NUBPL: variants seen among roughly 807,000 people sequenced by gnomAD.
NUBPL encodes the protein iron-sulfur cluster transfer protein NUBPL.
NUBPL carries 31 observed loss-of-function variants against 45.7 expected under a neutral mutation model. That is an observed-to-expected ratio of 0.68 (90% CI 0.51 to 0.92). The LOEUF (loss-of-function observed/expected upper bound fraction) is 0.92. Ranked by LOEUF, NUBPL falls within the 40% of genes least tolerant of loss-of-function variation. NUBPL has a pLI of 0.00. For synonymous variants in NUBPL, 144 were observed against 140.9 expected (o/e 1.02, Z -0.15); for missense variants, 401 against 398.7 (o/e 1.01, Z -0.05).
At chr14:31,838,485 T>C (rs1348078825) in intron 8 of NUBPL, among the ~76,000 whole-genome samples, 2 of 152,096 alleles carry the variant, frequency 1.3e-5, no homozygotes, top group Non-Finnish European at 2.9e-5. Flanking sequence ...CACAAAAATA[T>C]ATATTGCATG....
chr14:31,597,728 A>G (rs2034321272), intron 3 of NUBPL, among the ~76,000 whole-genome samples: 1 of 152,104 alleles, frequency 6.6e-6, no homozygotes, highest in South Asian at 2.1e-4. Flanking sequence ...TTTTATTGGT[A>G]TTTATTATTA....
chr14:31,836,464 A>G (rs2040283030), intron 8 of NUBPL, among the ~76,000 whole-genome samples: 1 of 152,206 alleles, frequency 6.6e-6, no homozygotes, highest in African/African-American at 2.4e-5. Context: ...ATAAATACAA[A>G]CAGCTTAACA....
intron 7 of NUBPL, among the ~76,000 whole-genome samples, chr14:31,793,376 C>T (rs984978212): frequency 6.6e-6 from 1 of 152,160 alleles, no homozygotes; most frequent in African/African-American, 2.4e-5. Context: ...ATGTCTACTC[C>T]CCGCCATCTT....
chr14:31,841,917 C>CTTTTGTTTT, intron 8 of NUBPL, among the ~76,000 whole-genome samples: 445 of 42,956 alleles, frequency 0.01, 15 homozygotes, highest in South Asian at 0.014. Context: ...CGATTCTGGG[C>CTTTTGTTTT]TTTTTTTTTT....
intron 7 of NUBPL, among the ~76,000 whole-genome samples, chr14:31,790,238 T>TA (rs1385876489): frequency 1.3e-5 from 2 of 152,230 alleles, no homozygotes; most frequent in Admixed American, 1.3e-4. Context: ...ATGATTAAAT[T>TA]ACCCTATTTT....
At chr14:31,569,420 C>T (rs1476687417) in intron 3 of NUBPL, among the ~76,000 whole-genome samples, 1 of 152,146 alleles carries the variant, frequency 6.6e-6, no homozygotes, top group East Asian at 1.9e-4. Context: ...TGGTCTGAAA[C>T]TCCTGACCTC....
chr14:31,837,411 A>G lies in NUBPL; in HGVS notation c.694-9060A>G, dbSNP rs184282334. Among the ~76,000 whole-genome samples the G allele has an allele frequency of 8.0e-4, 122 of 152,328 alleles. 1 individual carries two copies. Among genetic ancestry groups the G allele is most frequent in the Admixed American group, 7.8e-3 (120 of 15,304 alleles). On this transcript the variant is annotated intron_variant, in intron 8 of 10. Coordinates refer to ENST00000281081, the MANE Select transcript of NUBPL (RefSeq NM_025152.3). ...TCTTTAGACCCTTAAAAGATTAGGT[A>G]GGAGAACTACCAAAATAGCTTCTAC... is the stretch of plus-strand genomic sequence containing the variant.
chr14:31,852,466 T>G (rs1013154540), intron 10 of NUBPL, among the ~76,000 whole-genome samples: 5 of 151,722 alleles, frequency 3.3e-5, no homozygotes, highest in African/African-American at 1.2e-4. Flanking sequence ...AGGTCAGGAG[T>G]TTGAGATCAA....
chr14:31,651,753 G>T (rs1332713689), intron 4 of NUBPL, among the ~76,000 whole-genome samples: 1 of 151,958 alleles, frequency 6.6e-6, no homozygotes, highest in Non-Finnish European at 1.5e-5. Flanking sequence ...AAAAAAATTA[G>T]CCAGGTGTGG....
chr14:31,572,064 T>C (rs913539564), intron 3 of NUBPL, among the ~76,000 whole-genome samples: 6 of 122,196 alleles, frequency 4.9e-5, no homozygotes, highest in Non-Finnish European at 9.8e-5. Context: ...ATGGCAGAGC[T>C]AAGGTTCGAA....
chr14:31,780,793 A>T (rs2039179168), intron 6 of NUBPL, among the ~76,000 whole-genome samples: 1 of 152,228 alleles, frequency 6.6e-6, no homozygotes, highest in African/African-American at 2.4e-5. Context: ...CTAACAAAGA[A>T]ATCTAGGTAT....
intron 3 of NUBPL, chr14:31,578,065 C>T (rs2033764740): frequency 9.7e-7 from 1 of 1,028,462 alleles, no homozygotes; most frequent in Non-Finnish European, 1.3e-6. Flanking sequence ...GCAGAATTCT[C>T]CAAAGTTTTG....
At chr14:31,724,752 C>T (rs1461057772) in intron 6 of NUBPL, among the ~76,000 whole-genome samples, 1 of 152,088 alleles carries the variant, frequency 6.6e-6, no homozygotes, top group Non-Finnish European at 1.5e-5. Flanking sequence ...TCTTGTGGAT[C>T]GTACATTTTG....
intron 6 of NUBPL, among the ~76,000 whole-genome samples, chr14:31,786,156 A>C (rs915703456): frequency 6.8e-6 from 1 of 146,656 alleles, no homozygotes; most frequent in Non-Finnish European, 1.5e-5. Flanking sequence ...AGACCCTGTC[A>C]CAAAAATGAA....
intron 4 of NUBPL, among the ~76,000 whole-genome samples, chr14:31,623,726 G>A (rs965881806): frequency 3.9e-5 from 6 of 152,142 alleles, no homozygotes; most frequent in Admixed American, 1.3e-4. Flanking sequence ...GTCTTAGGTA[G>A]TTCTTTATAG....
intron 7 of NUBPL, among the ~76,000 whole-genome samples, chr14:31,800,590 A>ATCTTT (rs2039568456): frequency 6.6e-6 from 1 of 152,240 alleles, no homozygotes; most frequent in Non-Finnish European, 1.5e-5. Flanking sequence ...TCAATTTGTA[A>ATCTTT]AAAATGCAGC....
intron 10 of NUBPL, among the ~76,000 whole-genome samples, chr14:31,856,416 C>G (rs2040620899): frequency 6.6e-6 from 1 of 152,086 alleles, no homozygotes; most frequent in African/African-American, 2.4e-5. Context: ...CCATATCACT[C>G]CACCCCAGCC....
At chr14:31,713,493 T>C (rs549466880) in intron 6 of NUBPL, among the ~76,000 whole-genome samples, 19 of 152,202 alleles carry the variant, frequency 1.2e-4, no homozygotes, top group Non-Finnish European at 2.6e-4. Context: ...CATTGGTACA[T>C]TCCTTTTACT....
At chr14:31,573,452 T>G (rs929073900) in intron 3 of NUBPL, among the ~76,000 whole-genome samples, 1 of 152,190 alleles carries the variant, frequency 6.6e-6, no homozygotes, top group African/African-American at 2.4e-5. Flanking sequence ...ATGGTAGATG[T>G]GTATTTGAAT....
Sources: gnomAD v4.1 joint callset for allele counts (sites outside exome capture counted in the v4.1 genomes callset) on GRCh38, gnomAD v4.1.1 for gene constraint, MANE v1.5 for transcripts, NCBI Gene and HGNC (gene_info 2026-07-23, HGNC 2026-07-21) for gene names.